ZNF469: variants seen among roughly 807,000 people sequenced by gnomAD.
ZNF469 encodes the protein zinc finger protein 469.
In ZNF469, 1 loss-of-function variant was observed where a neutral mutation model predicts 1.0. The observed-to-expected ratio is 1.00, with a 90% confidence interval of 0.35 to 4.73. The LOEUF (loss-of-function observed/expected upper bound fraction) is 4.73. Ranked by LOEUF, ZNF469 falls within the 30% of genes most tolerant of loss-of-function variation. The pLI is 0.16. For missense variants in ZNF469, 6,100 were observed against 5,356.3 expected (o/e 1.14, Z -4.33); for synonymous variants, 2,703 against 2,363.4 (o/e 1.14, Z -4.17).
Position 88,437,642 on chromosome 16 carries a change from T to TGGAGCTGCC in ZNF469, c.10177_10178insTGCCGGAGC (p.Glu3392_Arg3393insLeuProGlu). On this transcript the variant is annotated inframe_insertion, in exon 3 of 3. Coordinates refer to ENST00000565624, the MANE Select transcript of ZNF469 (RefSeq NM_001367624.2). ...CACCTGGGCGGGGCGCACGGGCTGC[T>TGGAGCTGCC]GGAGCGGCCGGAGCTGCAGCACACG... 2.6e-6 allele frequency: 4 copies of TGGAGCTGCC among 1,543,138 alleles called. No individual in the cohort carries two copies. The highest frequency in any genetic ancestry group is 3.5e-6 in the Non-Finnish European group (4 of 1,141,692).
the ZNF469 span, among the ~76,000 whole-genome samples, chr16:88,256,699 A>G: frequency 6.6e-6 from 1 of 152,230 alleles, no homozygotes; most frequent in African/African-American, 2.4e-5. Flanking sequence ...CTGTTGCTCC[A>G]CATCCTCGCC....
At chr16:88,260,954 A>C in the ZNF469 span, among the ~76,000 whole-genome samples, 21 of 152,218 alleles carry the variant, frequency 1.4e-4, no homozygotes, top group African/African-American at 4.8e-4. This position sits in a 1 kb window ranked among gnomAD's most constrained non-coding sequence, Gnocchi z 4.1. Context: ...TGATGCAGCC[A>C]TGACCAAAAC....
Position 88,428,723 on chromosome 16 carries a change from C to G in ZNF469, c.1253C>G (p.Thr418Ser). The part of the protein sequence containing the change: ...GQAYRASGVD[T>S]SPGPPDTELA... Reference sequence around the variant, plus strand: ...GCGTACAGAGCCAGTGGGGTGGACACCAGCCCGGGGCCTCCGGACACCGAG... The same window carrying G: ...GCGTACAGAGCCAGTGGGGTGGACAGCAGCCCGGGGCCTCCGGACACCGAG... The change falls in exon 3 of 3, where the codon ACC becomes AGC. Residue 418 changes from threonine (T) to serine (S), a missense_variant. Transcript: ENST00000565624. The G allele has an allele frequency of 6.5e-7, 1 of 1,548,072 alleles. No homozygotes were observed. The highest frequency in any genetic ancestry group is 8.7e-7 in the Non-Finnish European group (1 of 1,146,730).
chr16:88,435,119 C>T lies in ZNF469; in HGVS notation c.7649C>T (p.Thr2550Ile). ...NHSRGDPSHV[T>I]QPPPAQGSKE... ...TCACGGGGAGACCCCAGCCACGTCA[C>T]CCAGCCACCGCCTGCCCAGGGCTCA... Residue 2550 changes from threonine (T) to isoleucine (I), a missense_variant, in exon 3 of 3, where the codon ACC (threonine) becomes ATC (isoleucine). Transcript: ENST00000565624. 1 of 1,550,386 alleles carries T rather than the reference C, an allele frequency of 6.5e-7. No homozygotes were observed. The highest frequency in any genetic ancestry group is 1.2e-5 in the South Asian group (1 of 84,060).
chr16:88,163,616 GGA>G, the ZNF469 span, among the ~76,000 whole-genome samples: 1 of 8,514 alleles, frequency 1.2e-4, no homozygotes, highest in East Asian at 5.4e-3. Flanking sequence ...ATTGGTAGAT[GGA>G]TGGATGGATG....
the ZNF469 span, among the ~76,000 whole-genome samples, chr16:88,180,569 C>T: frequency 2.1e-4 from 32 of 152,028 alleles, no homozygotes; most frequent in African/African-American, 7.0e-4. Context: ...GTCAGGAGTT[C>T]GAGACCAGCC....
the ZNF469 span, among the ~76,000 whole-genome samples, chr16:88,297,795 G>A: frequency 6.6e-6 from 1 of 152,196 alleles, no homozygotes; most frequent in Non-Finnish European, 1.5e-5. Context: ...ACTTAGTCCT[G>A]TGGCCCCTTC....
At chr16:88,120,824 G>A in the ZNF469 span, among the ~76,000 whole-genome samples, 8 of 152,198 alleles carry the variant, frequency 5.3e-5, no homozygotes, top group Non-Finnish European at 1.2e-4. Context: ...CGCCCGTGTC[G>A]AGGGCAGTTA....
At chr16:88,290,998 G>C in the ZNF469 span, among the ~76,000 whole-genome samples, 1 of 152,206 alleles carries the variant, frequency 6.6e-6, no homozygotes, top group African/African-American at 2.4e-5. Context: ...GTCCAGGGCA[G>C]CTCCTGCCAC....
the ZNF469 span, among the ~76,000 whole-genome samples, chr16:88,291,037 G>A: frequency 1.3e-5 from 2 of 152,196 alleles, no homozygotes; most frequent in African/African-American, 2.4e-5. Context: ...CTCGCTGAGT[G>A]ACTGGATGGG....
chr16:88,123,887 T>A, the ZNF469 span, among the ~76,000 whole-genome samples: 1 of 152,310 alleles, frequency 6.6e-6, no homozygotes, highest in Middle Eastern at 3.4e-3. Flanking sequence ...AACTGCAAAC[T>A]CCGTCTCCCA....
intron 1 of ZNF469, among the ~76,000 whole-genome samples, chr16:88,388,466 G>A (rs909671167): frequency 3.9e-5 from 6 of 151,960 alleles, no homozygotes; most frequent in Non-Finnish European, 4.4e-5. Context: ...GGGGTTTTCC[G>A]CATTCCTCCG....
chr16:88,275,748 G>A, the ZNF469 span, among the ~76,000 whole-genome samples: 1 of 152,206 alleles, frequency 6.6e-6, no homozygotes, highest in African/African-American at 2.4e-5. Context: ...AGCCTCCCAG[G>A]ACCCTGGTTA....
the ZNF469 span, among the ~76,000 whole-genome samples, chr16:88,253,534 G>A: frequency 1.0e-4 from 15 of 150,724 alleles, no homozygotes; most frequent in Non-Finnish European, 4.4e-5. Flanking sequence ...TCCATTTTTT[G>A]TTGTTGTTGT....
At chr16:88,219,305 T>A in the ZNF469 span, among the ~76,000 whole-genome samples, 1 of 142,406 alleles carries the variant, frequency 7.0e-6, no homozygotes, top group African/African-American at 2.7e-5. Context: ...GAGCCCGCAT[T>A]GCCAAGTCAA....
chr16:88,176,531 T>C, the ZNF469 span, among the ~76,000 whole-genome samples: 3 of 152,178 alleles, frequency 2.0e-5, no homozygotes, highest in Admixed American at 6.5e-5. Context: ...GGGCGTTGGA[T>C]AGCAGAGACG....
the ZNF469 span, among the ~76,000 whole-genome samples, chr16:88,197,641 G>C: frequency 6.6e-6 from 1 of 152,188 alleles, no homozygotes; most frequent in South Asian, 2.1e-4. Flanking sequence ...GGTTCCTGGG[G>C]CCCAGAGTCT....
chr16:88,242,735 A>G, the ZNF469 span, among the ~76,000 whole-genome samples: 1 of 152,268 alleles, frequency 6.6e-6, no homozygotes, highest in African/African-American at 2.4e-5. Context: ...CGAGGATGCT[A>G]GCCATTGCCT....
At chr16:88,265,209 C>T in the ZNF469 span, among the ~76,000 whole-genome samples, 13 of 152,232 alleles carry the variant, frequency 8.5e-5, no homozygotes, top group South Asian at 4.1e-4. Context: ...GAGTCACCGG[C>T]TGCTTCAGCT....
Sources: gnomAD v4.1 joint callset for allele counts (sites outside exome capture counted in the v4.1 genomes callset) on GRCh38, gnomAD v4.1.1 for gene constraint, Gnocchi (gnomAD v3.1) non-coding constraint, MANE v1.5 for transcripts, NCBI Gene and HGNC (gene_info 2026-07-23, HGNC 2026-07-21) for gene names.